Variants in ABL2 observed in about 807,000 individuals in gnomAD.
ABL2 encodes the protein tyrosine-protein kinase ABL2.
In ABL2, 49 loss-of-function variants were observed where a neutral mutation model predicts 107.7. The ratio of observed to expected loss-of-function variants is 0.45; its 90% CI spans 0.36 to 0.58. The LOEUF is 0.58. Ranked by LOEUF, ABL2 falls within the 20% of genes least tolerant of loss-of-function variation. The pLI is 0.00. For synonymous variants in ABL2, 549 were observed against 548.6 expected (o/e 1.00, Z -0.01); for missense variants, 1,245 against 1,457.0 (o/e 0.85, Z 2.37).
At position 179,104,209 on chromosome 1, in the gene ABL2, C is replaced by A. The variant is rs1653327488; in HGVS notation, c.*3509G>T. On this transcript the variant is annotated 3_prime_UTR_variant, in exon 12 of 12. Coordinates refer to ENST00000502732, the MANE Select transcript of ABL2 (RefSeq NM_007314.4). ...TCATCTCATTTAATCCTTACAACAA[C>A]CCTGAGGTAGTTACTATTATTATCC... The A allele has an allele frequency of 4.3e-6, 1 of 230,622 alleles. No homozygotes were observed. The highest frequency in any genetic ancestry group is 2.2e-5 in the African/African-American group (1 of 45,170). 14.3% of individuals were successfully genotyped at this position (230,622 alleles called of 1,614,324 possible).
chr1:179,140,500 A>G (rs923128207), intron 1 of ABL2, among the ~76,000 whole-genome samples: 1 of 152,312 alleles, frequency 6.6e-6, no homozygotes. Context: ...ATATTCATGT[A>G]TCTAAGTCTC....
chr1:179,177,603 G>A (rs1301258418), intron 1 of ABL2, among the ~76,000 whole-genome samples: 2 of 152,106 alleles, frequency 1.3e-5, no homozygotes, highest in Non-Finnish European at 2.9e-5. Flanking sequence ...CATTTAATTG[G>A]AGGTGGTAAA....
chr1:179,160,493 T>C (rs1489734576), intron 1 of ABL2, among the ~76,000 whole-genome samples: 1 of 152,144 alleles, frequency 6.6e-6, no homozygotes, highest in Non-Finnish European at 1.5e-5. Flanking sequence ...TAGATTAGTA[T>C]GTATACAATT....
In ABL2 at chr1:179,229,649, G is replaced by GCCGCCGCCGCCA. The variant is rs1295379480; in HGVS notation, c.-253_-252insTGGCGGCGGCGG. The GCCGCCGCCGCCA allele has an allele frequency of 8.3e-6, 4 of 480,526 alleles. No homozygotes were observed. The highest frequency in any genetic ancestry group is 4.8e-5 in the Admixed American group (1 of 20,806). The allele number at this position is 480,526 out of a possible 1,614,324, so 29.8% of individuals were successfully genotyped here. On this transcript the variant is annotated 5_prime_UTR_variant, in exon 1 of 12. Coordinates refer to ENST00000502732, the MANE Select transcript of ABL2 (RefSeq NM_007314.4). ...CGCCCCCAACGCCGCCGCCGCCGCC[G>GCCGCCGCCGCCA]CCGCCACCGCCGCCGCCATCTTTAA...
At chr1:179,180,127 C>CAA (rs998732732) in intron 1 of ABL2, among the ~76,000 whole-genome samples, 1 of 132,890 alleles carries the variant, frequency 7.5e-6, no homozygotes. Flanking sequence ...CTTAAAAAAA[C>CAA]AAAAAAAAAA....
Position 179,107,815 on chromosome 1 carries a change from T to A in ABL2, c.3452A>T (p.Gln1151Leu). The A allele has an allele frequency of 6.2e-7, 1 of 1,614,194 alleles. No individual in the cohort carries two copies. The highest frequency in any genetic ancestry group is 8.5e-7 in the Non-Finnish European group (1 of 1,180,026). ...SKLELSLQEL[Q>L]VSSAAAGVPG... The stretch of plus-strand genomic sequence containing the variant: ...CACACCAGCAGCTGCTGAAGAAACC[T>A]GTAGCTCCTGCAGGCTGAGTTCCAG... Residue 1151 changes from glutamine (Q) to leucine (L), a missense_variant, in exon 12 of 12, where the codon CAG becomes CTG. Gln to Leu is a moderately radical substitution (Grantham distance 113, BLOSUM62 -2). Around this residue, in one of 3 missense-constraint regions of ABL2, gnomAD observed 761 missense variants for 766.4 expected, o/e 0.99. Coordinates refer to ENST00000502732, the MANE Select transcript of ABL2 (RefSeq NM_007314.4).
intron 1 of ABL2, among the ~76,000 whole-genome samples, chr1:179,139,216 G>A (rs1373487438): frequency 2.6e-5 from 4 of 152,048 alleles, no homozygotes; most frequent in African/African-American, 7.3e-5. Context: ...TTTATGAGCC[G>A]TAACACTCAC....
chr1:179,123,666 G>T (rs1284415782), intron 4 of ABL2, among the ~76,000 whole-genome samples: 2 of 152,168 alleles, frequency 1.3e-5, no homozygotes, highest in Non-Finnish European at 2.9e-5. Context: ...GTCTCACTCG[G>T]TTGCCCGGCC....
At chr1:179,119,967 A>G (rs905910948) in intron 6 of ABL2, among the ~76,000 whole-genome samples, 5 of 152,148 alleles carry the variant, frequency 3.3e-5, no homozygotes, top group Non-Finnish European at 7.4e-5. Flanking sequence ...GACTAAAAAG[A>G]AAGGTTTGGG....
intron 2 of ABL2, among the ~76,000 whole-genome samples, chr1:179,132,967 T>G (rs1172534177): frequency 6.6e-6 from 1 of 152,058 alleles, no homozygotes; most frequent in African/African-American, 2.4e-5. Context: ...CAAGCAATTC[T>G]ACTGCCTCAG....
intron 1 of ABL2, among the ~76,000 whole-genome samples, chr1:179,180,763 A>C (rs1180134303): frequency 6.6e-6 from 1 of 152,224 alleles, no homozygotes; most frequent in Non-Finnish European, 1.5e-5. Flanking sequence ...TAAAAGAAAA[A>C]AACCATCTGA....
intron 1 of ABL2, among the ~76,000 whole-genome samples, chr1:179,187,987 C>G (rs1016875783): frequency 2.6e-5 from 4 of 152,150 alleles, no homozygotes; most frequent in Non-Finnish European, 5.9e-5. Context: ...ATCACTACTC[C>G]CACACAATTC....
chr1:179,108,184 C>G lies in ABL2; in HGVS notation c.3083G>C (p.Gly1028Ala). 4 of 1,614,188 alleles carry G rather than the reference C, an allele frequency of 2.5e-6. No individual in the cohort carries two copies. The highest frequency in any genetic ancestry group is 3.4e-6 in the Non-Finnish European group (4 of 1,180,036). ...TQEGGKKAAL[G>A]AVPISGKAGR... Reference sequence around the variant, plus strand: ...AGCTTTCCCACTGATGGGCACTGCGCCCAGAGCTGCCTTCTTTCCTCCTTC... The same window carrying G: ...AGCTTTCCCACTGATGGGCACTGCGGCCAGAGCTGCCTTCTTTCCTCCTTC... The change falls in exon 12 of 12, where the codon GGC becomes GCC. Residue 1028 changes from glycine (G) to alanine (A), a missense_variant. Coordinates refer to ENST00000502732, the MANE Select transcript of ABL2 (RefSeq NM_007314.4).
At chr1:179,175,848 T>TTC (rs11444931) in intron 1 of ABL2, among the ~76,000 whole-genome samples, 1 of 35,002 alleles carries the variant, frequency 2.9e-5, no homozygotes, top group South Asian at 9.3e-4. Flanking sequence ...CACATTCTTC[T>TTC]TTTTTTTTTT....
chr1:179,124,298 C>T (rs1480954556), intron 4 of ABL2, among the ~76,000 whole-genome samples: 1 of 150,982 alleles, frequency 6.6e-6, no homozygotes, highest in African/African-American at 2.4e-5. Flanking sequence ...AATTCATAAA[C>T]AGAAAATTGA....
At chr1:179,125,192 T>C (rs1369829328) in intron 4 of ABL2, among the ~76,000 whole-genome samples, 1 of 152,134 alleles carries the variant, frequency 6.6e-6, no homozygotes, top group Non-Finnish European at 1.5e-5. Flanking sequence ...AGACAATACA[T>C]GAACAAATGG....
chr1:179,122,462 T>C (rs1655313503), intron 4 of ABL2, among the ~76,000 whole-genome samples: 1 of 151,832 alleles, frequency 6.6e-6, no homozygotes, highest in African/African-American at 2.4e-5. Context: ...TAAATGATGA[T>C]TGCAAGGGTA....
At chr1:179,147,714 G>A (rs1333042131) in intron 1 of ABL2, among the ~76,000 whole-genome samples, 1 of 152,096 alleles carries the variant, frequency 6.6e-6, no homozygotes, top group Non-Finnish European at 1.5e-5. Context: ...GACTCCAAAA[G>A]GTGGAATACT....
In ABL2 at chr1:179,131,434, T is replaced by A; in HGVS notation, c.268A>T (p.Asn90Tyr). ...TTGGAGCTCCACCTGATAGCCTCAT[T>A]TAGTGCCTGGGGTTCAACATCACAA... is the stretch of plus-strand genomic sequence containing the variant. ...YGCDVEPQAL[N>Y]EAIRWSSKEN... The change falls in exon 3 of 12, where the codon AAT (asparagine) becomes TAT (tyrosine). Residue 90 changes from asparagine to tyrosine, a missense_variant. Transcript: ENST00000502732. 6.2e-7 allele frequency: 1 copy of A among 1,614,120 alleles called. No homozygotes were observed. The highest frequency in any genetic ancestry group is 1.3e-5 in the African/African-American group (1 of 75,036).
Sources: gnomAD v4.1 joint callset for allele counts (sites outside exome capture counted in the v4.1 genomes callset) on GRCh38, gnomAD v4.1.1 for gene constraint, gnomAD v4.1.1 regional missense constraint, MANE v1.5 for transcripts, NCBI Gene and HGNC (gene_info 2026-07-23, HGNC 2026-07-21) for gene names.